The following OCA2 variants were observed in gnomAD, a reference collection of about 807,000 sequenced individuals.
OCA2 encodes the protein P protein.
In OCA2, 77 loss-of-function variants were observed where a neutral mutation model predicts 100.2. The ratio of observed to expected loss-of-function variants is 0.77; its 90% CI spans 0.64 to 0.93. The LOEUF is 0.93. OCA2 is among the 40% of genes least tolerant of loss of function. The pLI is 0.00. For synonymous variants in OCA2, 432 were observed against 439.2 expected (o/e 0.98, Z 0.21); for missense variants, 1,062 against 1,089.1 (o/e 0.98, Z 0.35).
intron 9 of OCA2, among the ~76,000 whole-genome samples, chr15:27,998,798 C>A (rs1425953080): frequency 1.4e-5 from 2 of 145,748 alleles, no homozygotes; most frequent in African/African-American, 5.1e-5. Context: ...TGGAACCAAC[C>A]CAAATGTCCA....
At chr15:27,778,914 A>G (rs1251147051) in intron 23 of OCA2, among the ~76,000 whole-genome samples, 2 of 152,266 alleles carry the variant, frequency 1.3e-5, no homozygotes, top group African/African-American at 2.4e-5. Flanking sequence ...GCATTATGCT[A>G]TGAGCTATAT....
chr15:27,745,557 C>T, the OCA2 span, among the ~76,000 whole-genome samples: 1 of 152,162 alleles, frequency 6.6e-6, no homozygotes, highest in Non-Finnish European at 1.5e-5. Flanking sequence ...AGCCCTCACC[C>T]AAGATGGAGT....
chr15:28,069,219 A>T (rs1416345341), intron 2 of OCA2, among the ~76,000 whole-genome samples: 1 of 152,076 alleles, frequency 6.6e-6, no homozygotes, highest in Non-Finnish European at 1.5e-5. Context: ...TTGATAAATG[A>T]CTTTAGTAAA....
At chr15:27,973,486 G>A (rs1001194929) in intron 14 of OCA2, among the ~76,000 whole-genome samples, 1 of 152,132 alleles carries the variant, frequency 6.6e-6, no homozygotes. Context: ...AGATCAGTTG[G>A]TTGTAAGTAT....
intron 19 of OCA2, chr15:27,895,901 G>A: frequency 1.7e-6 from 1 of 599,324 alleles, no homozygotes; most frequent in Non-Finnish European, 3.1e-6. Context: ...GGTTGCTTAT[G>A]CCCGTACAGA....
At chr15:27,886,493 T>C (rs189491811) in intron 19 of OCA2, among the ~76,000 whole-genome samples, 84 of 152,288 alleles carry the variant, frequency 5.5e-4, no homozygotes, top group Non-Finnish European at 9.3e-4. Context: ...ATTTAGTATA[T>C]TTTTAAGCCA....
intron 14 of OCA2, among the ~76,000 whole-genome samples, chr15:27,974,825 C>T (rs1047882902): frequency 2.6e-5 from 4 of 152,138 alleles, no homozygotes; most frequent in Non-Finnish European, 5.9e-5. Flanking sequence ...ATGCTGTCTT[C>T]AGTAAAATAA....
At chr15:28,039,336 T>C (rs575849363) in intron 2 of OCA2, among the ~76,000 whole-genome samples, 55 of 152,290 alleles carry the variant, frequency 3.6e-4, no homozygotes, top group African/African-American at 1.3e-3. Flanking sequence ...CACCCAACAA[T>C]AGCAGAATAC....
chr15:27,726,068 G>A, the OCA2 span, among the ~76,000 whole-genome samples: 14 of 151,938 alleles, frequency 9.2e-5, 3 homozygotes, highest in East Asian at 1.9e-4. Context: ...AGCCTAAGGC[G>A]GGTGGATCAC....
chr15:27,890,918 T>G (rs1595584654), intron 19 of OCA2, among the ~76,000 whole-genome samples: 1 of 151,766 alleles, frequency 6.6e-6, no homozygotes, highest in East Asian at 1.9e-4. Context: ...CCCAGCTATT[T>G]GGAAGCTGAG....
At position 28,038,656 on chromosome 15, in the gene OCA2, G is replaced by A. The variant is rs564244316; in HGVS notation, c.228-6493C>T. Among the ~76,000 whole-genome samples, 22 of 152,130 alleles carry A rather than the reference G, an allele frequency of 1.4e-4. No homozygotes were observed. In the South Asian group the frequency reaches 3.3e-3, roughly 23 times the overall value. Reference sequence around the variant, plus strand: ...ATATTGAAAAGTGTACTGAAAAACCGAAAAAAACACAAACATGATCAAGCA... The same window carrying A: ...ATATTGAAAAGTGTACTGAAAAACCAAAAAAAACACAAACATGATCAAGCA... On this transcript the variant is annotated intron_variant, in intron 2 of 23. Coordinates refer to ENST00000354638, the MANE Select transcript of OCA2 (RefSeq NM_000275.3).
intron 9 of OCA2, 87 bp from the exon 10 acceptor site, chr15:27,990,734 T>C: frequency 9.2e-7 from 1 of 1,081,880 alleles, no homozygotes; most frequent in Middle Eastern, 2.5e-4. Flanking sequence ...AGGGGGTCTA[T>C]ATCTGCCACT....
chr15:27,903,576 G>A (rs1457869223), intron 19 of OCA2, among the ~76,000 whole-genome samples: 1 of 152,154 alleles, frequency 6.6e-6, no homozygotes, highest in Non-Finnish European at 1.5e-5. Context: ...GAAAGTCCCG[G>A]GCTTCCCCCA....
In OCA2 at chr15:27,953,756, T is replaced by TTG. The variant is rs200858465; in HGVS notation, c.1842+1401_1842+1402insCA. Among the ~76,000 whole-genome samples the TTG allele has an allele frequency of 7.0e-3, 1,067 of 152,252 alleles. 17 individuals are homozygous for TTG. Among genetic ancestry groups the TTG allele is most frequent in the African/African-American group, 0.024 (988 of 41,520 alleles). ...TTTCTTTTTTTCTGTTTTCTTTTTTTTTTCTTTTTCTTATTTCAATAGGTT... is the reference window on the plus strand; with the variant it reads ...TTTCTTTTTTTCTGTTTTCTTTTTTTTGTTTCTTTTTCTTATTTCAATAGGTT... On this transcript the variant is annotated intron_variant, in intron 17 of 23. Coordinates refer to ENST00000354638, the MANE Select transcript of OCA2 (RefSeq NM_000275.3).
At chr15:27,805,319 A>AT (rs918522870) in intron 23 of OCA2, among the ~76,000 whole-genome samples, 2 of 152,338 alleles carry the variant, frequency 1.3e-5, no homozygotes, top group Middle Eastern at 3.4e-3. Flanking sequence ...GATAAGCCTT[A>AT]GGGGCTGCTC....
At position 27,990,427 on chromosome 15, in the gene OCA2, A is replaced by C. The variant is rs543142141; in HGVS notation, c.1116+149T>G. On this transcript the variant is annotated intron_variant, in intron 10 of 23. Transcript: ENST00000354638. ...GTACTCTTCAATGCTGTAGCTTGTT[A>C]GTTCATACCTCTAGCATGGTTCTTG... The C allele has an allele frequency of 1.6e-4, 126 of 778,676 alleles. No homozygotes were observed. In the African/African-American group the frequency reaches 2.0e-3, roughly 13 times the overall value. The allele number at this position is 778,676 out of a possible 1,614,324, so 48.2% of individuals were successfully genotyped here. A position where few individuals can be genotyped will look rare whatever the true frequency, so the allele number is the denominator to read the frequency against.
chr15:27,721,559 A>T, the OCA2 span, among the ~76,000 whole-genome samples: 1 of 152,260 alleles, frequency 6.6e-6, no homozygotes, highest in Non-Finnish European at 1.5e-5. Context: ...AAAGTTAAAT[A>T]CTACTCCTTT....
intron 23 of OCA2, among the ~76,000 whole-genome samples, chr15:27,841,369 C>T (rs2035335818): frequency 6.6e-6 from 1 of 152,192 alleles, no homozygotes; most frequent in African/African-American, 2.4e-5. Context: ...CTCTTCTGTG[C>T]CTTGACTGCA....
At chr15:27,757,245 T>A (rs2150978220) in intron 23 of OCA2, among the ~76,000 whole-genome samples, 1 of 152,348 alleles carries the variant, frequency 6.6e-6, no homozygotes, top group South Asian at 2.1e-4. Flanking sequence ...GAGTGTGTAC[T>A]CCTAATCACT....
Sources: gnomAD v4.1 joint callset for allele counts (sites outside exome capture counted in the v4.1 genomes callset) on GRCh38, gnomAD v4.1.1 for gene constraint, MANE v1.5 for transcripts, NCBI Gene and HGNC (gene_info 2026-07-23, HGNC 2026-07-21) for gene names.